The following ANKDD1A variants were observed in gnomAD, a reference collection of about 807,000 sequenced individuals.
ANKDD1A encodes ankyrin repeat and death domain-containing protein 1A.
In ANKDD1A, 59 loss-of-function variants were observed where a neutral mutation model predicts 63.5. That is an observed-to-expected ratio of 0.93 (90% CI 0.75 to 1.15). The LOEUF (loss-of-function observed/expected upper bound fraction) is 1.15, where lower values mean the gene tolerates loss of function less well. Ranked by LOEUF, ANKDD1A falls within the 50% of genes most tolerant of loss-of-function variation. The pLI, the probability that ANKDD1A is intolerant of heterozygous loss-of-function variation, is 0.00. For synonymous variants in ANKDD1A, 266 were observed against 263.9 expected, an observed-to-expected ratio of 1.01 and a Z score of -0.08; for missense variants, 632 against 656.4, an observed-to-expected ratio of 0.96 and a Z score of 0.41.
intron 4 of ANKDD1A, among the ~76,000 whole-genome samples, chr15:64,922,931 C>G (rs1483188032): frequency 6.6e-6 from 1 of 152,190 alleles, no homozygotes; most frequent in Non-Finnish European, 1.5e-5. Flanking sequence ...ATACTTCTTA[C>G]ACTTATCATT....
chr15:64,952,135 TTCC>T lies in ANKDD1A; in HGVS notation c.1483+2165_1483+2167del, dbSNP rs201929655. Among the ~76,000 whole-genome samples the T allele has an allele frequency of 4.4e-3, 655 of 148,126 alleles. 6 individuals carry two copies. Among genetic ancestry groups the T allele is most frequent in the African/African-American group, 0.016 (632 of 39,588 alleles). ...TTCTTCTTTCTTCTCTTTCTTCTTC[TTCC>T]TTATTCTTCTTCCTCTTTCTTCATC... On this transcript the variant is annotated intron_variant, in intron 14 of 14. Coordinates refer to ENST00000319580, the MANE Select transcript of ANKDD1A (RefSeq NM_182703.6).
intron 6 of ANKDD1A, among the ~76,000 whole-genome samples, chr15:64,928,438 CA>C (rs1437477235): frequency 6.6e-6 from 1 of 152,280 alleles, no homozygotes; most frequent in Non-Finnish European, 1.5e-5. Context: ...AGATAAAATA[CA>C]GCTTTGATGA....
chr15:64,926,202 C>T (rs367970090), intron 5 of ANKDD1A, 32 bp downstream of exon 5: 4 of 1,603,416 alleles, frequency 2.5e-6, no homozygotes, highest in Non-Finnish European at 1.7e-6. Context: ...TCATCATTCC[C>T]ATTGGGCGGG....
At chr15:64,945,932 G>C (rs972393410) in intron 12 of ANKDD1A, among the ~76,000 whole-genome samples, 8 of 151,834 alleles carry the variant, frequency 5.3e-5, no homozygotes, top group Admixed American at 2.0e-4. Context: ...ATGCCTGGCC[G>C]AATTATGATT....
At chr15:64,928,025 CACACACAAAT>C (rs1169698414) in intron 6 of ANKDD1A, among the ~76,000 whole-genome samples, 1 of 152,170 alleles carries the variant, frequency 6.6e-6, no homozygotes, top group Non-Finnish European at 1.5e-5. Flanking sequence ...ATAGAGAGCT[CACACACAAAT>C]GCACTGCAGG....
chr15:64,922,210 G>T (rs1334657667), intron 4 of ANKDD1A, 191 bp downstream of exon 4: 3 of 569,348 alleles, frequency 5.3e-6, no homozygotes, highest in Non-Finnish European at 9.3e-6. Context: ...CCAGCCCTCT[G>T]GCTGGCCTCC....
chr15:64,949,769 T>TAGAC, intron 13 of ANKDD1A, 72 bp from the exon 14 acceptor site: 1 of 1,573,666 alleles, frequency 6.4e-7, no homozygotes, highest in Non-Finnish European at 8.6e-7. Flanking sequence ...CAGGGTGGCA[T>TAGAC]AGACAGGCGC....
intron 8 of ANKDD1A, chr15:64,932,517 G>C (rs1054906678): frequency 6.6e-6 from 1 of 152,130 alleles, no homozygotes; most frequent in African/African-American, 2.4e-5. Context: ...CCTGGAAAGC[G>C]GGGTTGTGGC....
intron 3 of ANKDD1A, among the ~76,000 whole-genome samples, chr15:64,919,108 A>T (rs1018339391): frequency 6.6e-6 from 1 of 152,160 alleles, no homozygotes. Flanking sequence ...GTCTGTAGTG[A>T]TATGCCGCAG....
At chr15:64,951,366 CTTTCTTCT>C (rs1289565794) in intron 14 of ANKDD1A, 1 of 464,926 alleles carries the variant, frequency 2.2e-6, no homozygotes, top group African/African-American at 2.9e-5. Context: ...TCTTCTTCCT[CTTTCTTCT>C]TTCTTTTTCT....
At chr15:64,931,772 A>T (rs779996367) in intron 8 of ANKDD1A, 187 bp downstream of exon 8, 23 of 631,234 alleles carry the variant, frequency 3.6e-5, no homozygotes, top group Non-Finnish European at 6.4e-5. Flanking sequence ...AACCTCTCTG[A>T]GCCTTGTTTC....
intron 1 of ANKDD1A, among the ~76,000 whole-genome samples, chr15:64,912,387 T>A (rs935427935): frequency 5.3e-5 from 8 of 152,174 alleles, no homozygotes; most frequent in Admixed American, 2.0e-4. Flanking sequence ...TTGTTCAAGG[T>A]CACACAGCCA....
chr15:64,951,120 AC>A (rs993352979), intron 14 of ANKDD1A: 1 of 1,155,632 alleles, frequency 8.7e-7, no homozygotes, highest in African/African-American at 1.6e-5. Context: ...CTGTTAACAG[AC>A]CTCCAGGTGA....
At chr15:64,954,084 TTC>T (rs1263533474) in intron 14 of ANKDD1A, among the ~76,000 whole-genome samples, 9 of 133,194 alleles carry the variant, frequency 6.8e-5, no homozygotes, top group African/African-American at 2.1e-4. Flanking sequence ...TCTTTTCTTC[TTC>T]TTTCTCCTCC....
intron 14 of ANKDD1A, chr15:64,951,206 T>C: frequency 9.9e-7 from 1 of 1,007,620 alleles, no homozygotes; most frequent in Non-Finnish European, 1.2e-6. Context: ...TGAGGATGGG[T>C]CCAAGGGCCT....
At chr15:64,926,558 G>A (rs2085047248) in intron 5 of ANKDD1A, among the ~76,000 whole-genome samples, 1 of 152,150 alleles carries the variant, frequency 6.6e-6, no homozygotes, top group Admixed American at 6.5e-5. Flanking sequence ...GCTCTAGTGT[G>A]AGTTCTGAGG....
chr15:64,955,332 C>T (rs993824291), intron 14 of ANKDD1A, among the ~76,000 whole-genome samples: 6 of 152,142 alleles, frequency 3.9e-5, no homozygotes, highest in East Asian at 1.9e-4. Context: ...CTGCCCTGTC[C>T]GGCAGAGTAG....
At chr15:64,955,009 C>T (rs1387213587) in intron 14 of ANKDD1A, among the ~76,000 whole-genome samples, 1 of 139,864 alleles carries the variant, frequency 7.1e-6, no homozygotes, top group Non-Finnish European at 1.5e-5. Context: ...TTTCCTTCTT[C>T]TTCCACTTCT....
At chr15:64,933,593 C>T (rs1753568226) in intron 8 of ANKDD1A, among the ~76,000 whole-genome samples, 3 of 152,216 alleles carry the variant, frequency 2.0e-5, no homozygotes, top group African/African-American at 7.2e-5. Context: ...CCTGTAATCC[C>T]AGCACTTTGG....
Sources: gnomAD v4.1 joint callset for allele counts (sites outside exome capture counted in the v4.1 genomes callset) on GRCh38, gnomAD v4.1.1 for gene constraint, MANE v1.5 for transcripts, NCBI Gene and HGNC (gene_info 2026-07-23, HGNC 2026-07-21) for gene names.